Variants in SYTL2 observed in about 807,000 individuals in gnomAD.
SYTL2 encodes the protein synaptotagmin-like protein 2.
Under a neutral mutation model 198.7 loss-of-function variants are expected in SYTL2, and 165 were observed. That is an observed-to-expected ratio of 0.83 (90% CI 0.73 to 0.94). The LOEUF (loss-of-function observed/expected upper bound fraction) is 0.94. Ranked by LOEUF, SYTL2 falls within the 40% of genes least tolerant of loss-of-function variation. The pLI is 0.00. For missense variants in SYTL2, 2,835 were observed against 2,582.8 expected (o/e 1.10, Z -2.12); for synonymous variants, 966 against 917.7 (o/e 1.05, Z -0.95).
chr11:85,843,145 G>A, the SYTL2 span, among the ~76,000 whole-genome samples: 6 of 152,098 alleles, frequency 3.9e-5, no homozygotes, highest in South Asian at 2.1e-4. Flanking sequence ...AGGCCGAGGC[G>A]GGCAGATCAC....
At chr11:85,702,191 A>ATTTT (rs35728321) in intron 16 of SYTL2, among the ~76,000 whole-genome samples, 1 of 142,020 alleles carries the variant, frequency 7.0e-6, no homozygotes, top group Non-Finnish European at 1.5e-5. Flanking sequence ...TAGTGGGTCT[A>ATTTT]TTTTTTTTTT....
intron 1 of SYTL2, among the ~76,000 whole-genome samples, chr11:85,795,076 A>C (rs965687503): frequency 1.3e-5 from 2 of 152,110 alleles, no homozygotes; most frequent in Non-Finnish European, 2.9e-5. Context: ...ATCTACTTAA[A>C]ATTGTGTTAT....
At chr11:85,706,123 C>T (rs1591595324) in intron 15 of SYTL2, among the ~76,000 whole-genome samples, 1 of 152,150 alleles carries the variant, frequency 6.6e-6, no homozygotes, top group Non-Finnish European at 1.5e-5. Context: ...TTTATCTTTC[C>T]AGTAAACATA....
At chr11:85,713,024 T>C (rs1271765741) in intron 12 of SYTL2, among the ~76,000 whole-genome samples, 2 of 152,190 alleles carry the variant, frequency 1.3e-5, no homozygotes, top group Non-Finnish European at 2.9e-5. Flanking sequence ...CGGCCTCATA[T>C]TATTATATGG....
intron 1 of SYTL2, among the ~76,000 whole-genome samples, chr11:85,768,546 T>G (rs2092291985): frequency 6.6e-6 from 1 of 152,170 alleles, no homozygotes; most frequent in African/African-American, 2.4e-5. Flanking sequence ...TGACAATACA[T>G]AAATCCCCAA....
chr11:85,786,658 A>AC (rs2092640688), intron 1 of SYTL2, among the ~76,000 whole-genome samples: 1 of 152,168 alleles, frequency 6.6e-6, no homozygotes, highest in African/African-American at 2.4e-5. Context: ...AGGTCGAGAG[A>AC]GGGGGCATCA....
chr11:85,704,783 G>T, intron 16 of SYTL2, 75 bp downstream of exon 16: 1 of 1,188,084 alleles, frequency 8.4e-7, no homozygotes, highest in Non-Finnish European at 1.2e-6. Flanking sequence ...TGAATTAAAT[G>T]CAATTAAGCT....
rs576692527 is a variant in SYTL2 at position 85,759,931 on chromosome 11, T to G, written c.-389-1817A>C. On this transcript the variant is annotated intron_variant, in intron 1 of 19. Coordinates refer to ENST00000359152, the MANE Select transcript of SYTL2 (RefSeq NM_206927.4). ...TTGCAGCAGATTCAATGATTATTCC[T>G]AACTCTTCATTTCCTCCCTGTAACA... is the stretch of plus-strand genomic sequence containing the variant. 3.9e-5 allele frequency among the ~76,000 whole-genome samples: 6 copies of G among 152,302 alleles called. No individual in the cohort carries two copies. The East Asian group carries it at 1.2e-3, about 29-fold the overall frequency.
intron 10 of SYTL2, chr11:85,718,175 GTC>G: frequency 5.9e-6 from 1 of 168,144 alleles, no homozygotes; most frequent in Middle Eastern, 2.9e-3. Context: ...ACTCATTTCT[GTC>G]TCTCCCTCAA....
chr11:85,839,581 A>G, the SYTL2 span, among the ~76,000 whole-genome samples: 1 of 152,178 alleles, frequency 6.6e-6, no homozygotes, highest in Non-Finnish European at 1.5e-5. Flanking sequence ...TAACATAATG[A>G]TATTCAGTTT....
upstream of SYTL2, among the ~76,000 whole-genome samples, chr11:85,815,599 A>C (rs143849274): frequency 3.3e-4 from 50 of 152,290 alleles, no homozygotes; most frequent in East Asian, 6.8e-3. Context: ...TTTGATCTTC[A>C]TTCAACCCTA....
At chr11:85,825,801 A>G in the SYTL2 span, among the ~76,000 whole-genome samples, 2 of 152,236 alleles carry the variant, frequency 1.3e-5, no homozygotes, top group African/African-American at 4.8e-5. Flanking sequence ...GTAATCTTTC[A>G]CAAATCTCTT....
At chr11:85,811,758 C>T (rs1263058788), upstream of SYTL2, among the ~76,000 whole-genome samples, 2 of 152,190 alleles carry the variant, frequency 1.3e-5, no homozygotes, top group Non-Finnish European at 2.9e-5. Context: ...GACTGGTAAG[C>T]TCCTGGAAGA....
chr11:85,834,796 C>T, the SYTL2 span, among the ~76,000 whole-genome samples: 1 of 150,700 alleles, frequency 6.6e-6, no homozygotes, highest in African/African-American at 2.4e-5. Context: ...GGGTCTTTCT[C>T]TGTCACCCAG....
chr11:85,821,710 T>C, the SYTL2 span, among the ~76,000 whole-genome samples: 2 of 152,224 alleles, frequency 1.3e-5, no homozygotes, highest in Non-Finnish European at 2.9e-5. Context: ...TTGGTCAATG[T>C]TTTTTGAGAT....
At chr11:85,852,972 C>T in the SYTL2 span, 1 of 319,128 alleles carries the variant, frequency 3.1e-6, no homozygotes, top group South Asian at 2.2e-5. Context: ...TGAGGAGCCC[C>T]TCCGCCCAGC....
chr11:85,849,700 T>C, the SYTL2 span, among the ~76,000 whole-genome samples: 29 of 150,302 alleles, frequency 1.9e-4, no homozygotes, highest in East Asian at 4.5e-3. Flanking sequence ...CCTTGTAGTA[T>C]AGTTTGAAGT....
chr11:85,707,605 A>G lies in SYTL2; in HGVS notation c.5916-74T>C, dbSNP rs1481610829. ...TTTCCACCTCTAGTTTTTTAAATAC[A>G]TTGAAAACTGACAGCAGAAATAATT... On this transcript the variant is annotated intron_variant, in intron 14 of 19. Transcript: ENST00000359152. 8 of 931,954 alleles carry G rather than the reference A, an allele frequency of 8.6e-6. No homozygotes were observed. The Admixed American group carries it at 1.7e-4, about 20-fold the overall frequency. 57.7% of individuals were successfully genotyped at this position (931,954 alleles called of 1,614,324 possible).
chr11:85,706,336 AAAC>A (rs2085140852), intron 15 of SYTL2, among the ~76,000 whole-genome samples: 1 of 152,230 alleles, frequency 6.6e-6, no homozygotes. Context: ...CACAGTTTAC[AAAC>A]AACACCAAGT....
Sources: allele counts gnomAD v4.1 joint callset (sites outside exome capture counted in the v4.1 genomes callset), GRCh38; gene constraint gnomAD v4.1.1; transcripts MANE v1.5; gene names NCBI Gene and HGNC (gene_info 2026-07-23, HGNC 2026-07-21).